The following DDI2 variants were observed in gnomAD, a reference collection of about 807,000 sequenced individuals.
DDI2 encodes protein DDI1 homolog 2.
A neutral mutation model predicts 48.1 loss-of-function variants in DDI2; 5 were observed. The ratio of observed to expected loss-of-function variants is 0.10; its 90% CI spans 0.05 to 0.22. The LOEUF (loss-of-function observed/expected upper bound fraction) is 0.22, where lower values mean the gene tolerates loss of function less well. Ranked by LOEUF, DDI2 falls within the 10% of genes least tolerant of loss-of-function variation. DDI2 has a pLI of 1.00. For missense variants in DDI2, 285 were observed against 506.2 expected (o/e 0.56, Z 4.19); for synonymous variants, 205 against 183.6 (o/e 1.12, Z -0.94).
rs1640481651 is a variant in DDI2, at chr1:15,668,100, G to C, written c.*8310G>C. The stretch of plus-strand genomic sequence containing the variant: ...TTTATTAGCTAATTTGGGGAGGGGG[G>C]CATGCTGCAGTATTTTTTTTCCTGG... On this transcript the variant is annotated 3_prime_UTR_variant, in exon 10 of 10. Coordinates refer to ENST00000480945, the MANE Select transcript of DDI2 (RefSeq NM_032341.5). 1.3e-5 allele frequency: 2 copies of C among 151,836 alleles called. No individual in the cohort carries two copies. The highest frequency in any genetic ancestry group is 1.3e-4 in the Admixed American group (2 of 15,236). 9.4% of individuals were successfully genotyped at this position (151,836 alleles called of 1,614,324 possible).
chr1:15,623,728 AG>A (rs1639707335), intron 1 of DDI2, among the ~76,000 whole-genome samples: 1 of 151,876 alleles, frequency 6.6e-6, no homozygotes, highest in African/African-American at 2.4e-5. Flanking sequence ...GATTCTCCTG[AG>A]TTTGCTTCCT....
In DDI2 at chr1:15,660,450, G is replaced by A. The variant is rs1476063474; in HGVS notation, c.*660G>A. The A allele has an allele frequency of 1.2e-6, 2 of 1,614,070 alleles. No individual in the cohort carries two copies. The highest frequency in any genetic ancestry group is 8.5e-7 in the Non-Finnish European group (1 of 1,180,020). On this transcript the variant is annotated 3_prime_UTR_variant, in exon 10 of 10. Coordinates refer to ENST00000480945, the MANE Select transcript of DDI2 (RefSeq NM_032341.5). ...ACCAAGAATATCTTTGTAACATAGGGGACCTTGAGCTTCCTGAAGAAAGGC... is the reference window on the plus strand; with the variant it reads ...ACCAAGAATATCTTTGTAACATAGGAGACCTTGAGCTTCCTGAAGAAAGGC...
At position 15,667,367 on chromosome 1, in the gene DDI2, T is replaced by C. The variant is rs1640469557; in HGVS notation, c.*7577T>C. ...GCAACAAATAAATGGAAGATGACCC[T>C]AAAAATGCACCAGTGACAGTCAGTC... On this transcript the variant is annotated 3_prime_UTR_variant, in exon 10 of 10. Transcript: ENST00000480945. 1 of 152,196 alleles carries C rather than the reference T, an allele frequency of 6.6e-6. No individual in the cohort carries two copies. The highest frequency in any genetic ancestry group is 2.4e-5 in the African/African-American group (1 of 41,428). The allele number at this position is 152,196 out of a possible 1,614,324, so 9.4% of individuals were successfully genotyped here. A position where few individuals can be genotyped will look rare whatever the true frequency, so the allele number is the denominator to read the frequency against.
At chr1:15,632,999 G>A (rs1639870926) in intron 3 of DDI2, among the ~76,000 whole-genome samples, 1 of 142,524 alleles carries the variant, frequency 7.0e-6, no homozygotes, top group African/African-American at 2.7e-5. Context: ...ACAGCTCACT[G>A]CATCCTCGAC....
rs1640372656 is a variant in DDI2 at position 15,661,336 on chromosome 1, G to A, written c.*1546G>A. 1.2e-6 allele frequency: 2 copies of A among 1,613,950 alleles called. No individual in the cohort carries two copies. Among genetic ancestry groups the A allele is most frequent in the Non-Finnish European group, 1.7e-6 (2 of 1,179,972 alleles). On this transcript the variant is annotated 3_prime_UTR_variant, in exon 10 of 10. Coordinates refer to ENST00000480945, the MANE Select transcript of DDI2 (RefSeq NM_032341.5). ...CAATCAGTTACACTGCACCTTAGGT[G>A]TAGAAATTTCACCCAAACTTTTAGC...
chr1:15,617,634 C>T lies in DDI2; in HGVS notation c.-37C>T. The T allele has an allele frequency of 7.5e-7, 1 of 1,335,266 alleles. No homozygotes were observed. Among genetic ancestry groups the T allele is most frequent in the East Asian group, 3.0e-5 (1 of 32,818 alleles). The allele number at this position is 1,335,266 out of a possible 1,614,324, so 82.7% of individuals were successfully genotyped here. Reference sequence around the variant, plus strand: ...CTTCCCCTGCGCCCCGCGCCCAGGCCGGGCCGAGCCGAGCCGAGCCGGGTC... The same window carrying T: ...CTTCCCCTGCGCCCCGCGCCCAGGCTGGGCCGAGCCGAGCCGAGCCGGGTC... On this transcript the variant is annotated 5_prime_UTR_variant, in exon 1 of 10. Coordinates refer to ENST00000480945, the MANE Select transcript of DDI2 (RefSeq NM_032341.5).
Position 15,659,839 on chromosome 1 carries a change from AAAAGTGGT to A in DDI2, c.*54_*61del. On this transcript the variant is annotated 3_prime_UTR_variant, in exon 10 of 10. Transcript: ENST00000480945. ...CCTTTCCCCTGTGTTCCATATAGAG[AAAAGTGGT>A]AAAGAATCTACCTCACTGGGAATGT... 1 of 1,528,748 alleles carries A rather than the reference AAAAGTGGT, an allele frequency of 6.5e-7. No homozygotes were observed. The highest frequency in any genetic ancestry group is 8.7e-7 in the Non-Finnish European group (1 of 1,144,624). 94.7% of individuals were successfully genotyped at this position (1,528,748 alleles called of 1,614,324 possible).
intron 6 of DDI2, among the ~76,000 whole-genome samples, chr1:15,646,276 T>G (rs1384591246): frequency 6.6e-6 from 1 of 152,240 alleles, no homozygotes; most frequent in African/African-American, 2.4e-5. Context: ...GTTCCTATGC[T>G]CCATAGGAGT....
At position 15,661,710 on chromosome 1, in the gene DDI2, A is replaced by G. The variant is rs199740469; in HGVS notation, c.*1920A>G. On this transcript the variant is annotated 3_prime_UTR_variant, in exon 10 of 10. Transcript: ENST00000480945. Reference sequence around the variant, plus strand: ...TTGTTTTGCTCGCAAAAAACATCGTAGTTCCTACATGACTGTGGGAAAGTG... The same window carrying G: ...TTGTTTTGCTCGCAAAAAACATCGTGGTTCCTACATGACTGTGGGAAAGTG... The G allele has an allele frequency of 3.8e-4, 612 of 1,610,222 alleles. No individual in the cohort carries two copies. Among genetic ancestry groups the G allele is most frequent in the Admixed American group, 5.3e-4 (32 of 59,816 alleles).
Position 15,651,741 on chromosome 1 carries a change from C to A in DDI2, c.1029C>A (p.Ile343=). ...SIDLKKNVLV[I]GTTGSQTTFL... ...ACCTGAAGAAAAATGTACTCGTGAT[C>A]GGCACCACAGGCTCCCAGACCACCT... is the stretch of plus-strand genomic sequence containing the variant. The change falls in exon 8 of 10, where the codon ATC becomes ATA. Residue 343 remains isoleucine (I), a synonymous_variant. Coordinates refer to ENST00000480945, the MANE Select transcript of DDI2 (RefSeq NM_032341.5). The A allele has an allele frequency of 6.2e-7, 1 of 1,611,524 alleles. No individual in the cohort carries two copies.
At chr1:15,617,886 C>T (rs1414900440) in intron 1 of DDI2, 78 bp downstream of exon 1, 6 of 1,422,954 alleles carry the variant, frequency 4.2e-6, no homozygotes, top group Non-Finnish European at 5.5e-6. Flanking sequence ...CCCTTTGCTA[C>T]TGGTGAAGAA....
chr1:15,626,451 A>G (rs762388976), intron 1 of DDI2, among the ~76,000 whole-genome samples: 5 of 152,198 alleles, frequency 3.3e-5, no homozygotes, highest in African/African-American at 9.6e-5. Flanking sequence ...GAGGAACAGC[A>G]GTCATAGTGA....
intron 3 of DDI2, among the ~76,000 whole-genome samples, chr1:15,632,576 A>G (rs1639861965): frequency 6.6e-6 from 1 of 152,176 alleles, no homozygotes. Flanking sequence ...TGTAACATAC[A>G]TCTTATAGCA....
chr1:15,660,205 TC>T lies in DDI2; in HGVS notation c.*416del. The T allele has an allele frequency of 6.2e-7, 1 of 1,614,164 alleles. No individual in the cohort carries two copies. Among genetic ancestry groups the T allele is most frequent in the Non-Finnish European group, 8.5e-7 (1 of 1,180,032 alleles). ...AACTGTTGCAGGTAATCTGGAGAAA[TC>T]TGCTGAAAGAAGCACCCAGGGCCTC... On this transcript the variant is annotated 3_prime_UTR_variant, in exon 10 of 10. Transcript: ENST00000480945.
At chr1:15,639,315 C>G (rs1639971236) in intron 5 of DDI2, among the ~76,000 whole-genome samples, 1 of 152,058 alleles carries the variant, frequency 6.6e-6, no homozygotes, top group African/African-American at 2.4e-5. Flanking sequence ...TTGTCTCACT[C>G]AAGGCTGTAA....
chr1:15,650,848 A>G (rs1156506744), intron 7 of DDI2, among the ~76,000 whole-genome samples: 1 of 149,330 alleles, frequency 6.7e-6, no homozygotes, highest in Non-Finnish European at 1.5e-5. Context: ...ACAGCATTCT[A>G]TTTATTTATT....
At chr1:15,645,934 A>G (rs939672641) in intron 6 of DDI2, among the ~76,000 whole-genome samples, 1 of 151,618 alleles carries the variant, frequency 6.6e-6, no homozygotes, top group South Asian at 2.1e-4. Context: ...GTAGGCAGCC[A>G]TGGCTCTTGT....
intron 8 of DDI2, among the ~76,000 whole-genome samples, chr1:15,652,538 A>C (rs1640206657): frequency 7.9e-6 from 1 of 126,050 alleles, no homozygotes; most frequent in Non-Finnish European, 1.7e-5. Flanking sequence ...AAAATATAAA[A>C]ATTGGCCAGG....
rs1297213092 is a variant in DDI2, at chr1:15,661,901, G to A, written c.*2111G>A. 1.1e-6 allele frequency: 1 copy of A among 901,108 alleles called. No homozygotes were observed. Among genetic ancestry groups the A allele is most frequent in the East Asian group, 2.9e-5 (1 of 34,278 alleles). 55.8% of individuals were successfully genotyped at this position (901,108 alleles called of 1,614,324 possible). A position where few individuals can be genotyped will look rare whatever the true frequency, so the allele number is the denominator to read the frequency against. On this transcript the variant is annotated 3_prime_UTR_variant, in exon 10 of 10. Transcript: ENST00000480945. ...CGGCCAAAGTAATTTATGATCTTTTGTCTGATGAATTTGTCTATCCTACTT... is the reference window on the plus strand; with the variant it reads ...CGGCCAAAGTAATTTATGATCTTTTATCTGATGAATTTGTCTATCCTACTT...
Sources: allele counts gnomAD v4.1 joint callset (sites outside exome capture counted in the v4.1 genomes callset), GRCh38; gene constraint gnomAD v4.1.1; transcripts MANE v1.5; gene names NCBI Gene and HGNC (gene_info 2026-07-23, HGNC 2026-07-21).